The following RANBP17 variants were observed in gnomAD, a reference collection of about 807,000 sequenced individuals.
The protein encoded by RANBP17 is RAN binding protein 17, also known as ran-binding protein 17.
RANBP17 carries 158 observed loss-of-function variants against 141.2 expected under a neutral mutation model. That is an observed-to-expected ratio of 1.12 (90% CI 0.98 to 1.28). The LOEUF (loss-of-function observed/expected upper bound fraction) is 1.28, where lower values mean the gene tolerates loss of function less well. Ranked by LOEUF, RANBP17 falls within the 50% of genes most tolerant of loss-of-function variation. RANBP17 has a pLI of 0.00. For synonymous variants in RANBP17, 430 were observed against 450.0 expected (o/e 0.96, Z 0.56); for missense variants, 1,438 against 1,290.7 (o/e 1.11, Z -1.75).
intron 14 of RANBP17, among the ~76,000 whole-genome samples, chr5:171,075,260 G>T (rs1038540474): frequency 3.9e-5 from 6 of 152,108 alleles, no homozygotes; most frequent in African/African-American, 1.4e-4. Context: ...AAAACTCAGA[G>T]AAATTATTTT....
intron 13 of RANBP17, among the ~76,000 whole-genome samples, chr5:170,966,281 G>A (rs1027342918): frequency 3.4e-4 from 51 of 152,040 alleles, no homozygotes; most frequent in Non-Finnish European, 5.3e-4. Context: ...GAACATTGAT[G>A]CAAAAATCCT....
intron 14 of RANBP17, among the ~76,000 whole-genome samples, chr5:171,049,043 G>A (rs1332740339): frequency 6.6e-6 from 1 of 152,098 alleles, no homozygotes; most frequent in African/African-American, 2.4e-5. Context: ...TAAGTTCTTC[G>A]AGAAATCGCC....
intron 18 of RANBP17, among the ~76,000 whole-genome samples, chr5:171,190,618 T>C (rs1007547923): frequency 6.6e-6 from 1 of 152,154 alleles, no homozygotes; most frequent in African/African-American, 2.4e-5. Context: ...AAAATTAACT[T>C]GGTCGATCTA....
intron 5 of RANBP17, among the ~76,000 whole-genome samples, chr5:170,896,525 C>T (rs1424986873): frequency 9.2e-5 from 14 of 151,944 alleles, no homozygotes; most frequent in Admixed American, 8.5e-4. Flanking sequence ...CAGCAGGACT[C>T]ATAAAAAAAC....
At chr5:171,027,467 G>A (rs1289352795) in intron 14 of RANBP17, among the ~76,000 whole-genome samples, 1 of 152,014 alleles carries the variant, frequency 6.6e-6, no homozygotes, top group African/African-American at 2.4e-5. Flanking sequence ...TGTGAGATTT[G>A]CATATAGTAT....
intron 24 of RANBP17, among the ~76,000 whole-genome samples, chr5:171,260,457 C>T (rs1164447176): frequency 2.2e-5 from 3 of 139,334 alleles, no homozygotes; most frequent in South Asian, 4.6e-4. Flanking sequence ...AGCAAGACTC[C>T]GTCTCAAAAA....
intron 22 of RANBP17, among the ~76,000 whole-genome samples, chr5:171,234,899 C>T (rs542086223): frequency 3.3e-5 from 5 of 152,232 alleles, no homozygotes; most frequent in East Asian, 3.9e-4. Context: ...ATATTTAAAG[C>T]GCAGAACTAG....
chr5:171,143,095 A>T (rs1365975623), intron 14 of RANBP17, among the ~76,000 whole-genome samples: 1 of 152,256 alleles, frequency 6.6e-6, no homozygotes, highest in Non-Finnish European at 1.5e-5. Context: ...TGGGATAAAC[A>T]GCTCCATGAT....
chr5:170,868,148 A>G (rs994591549), intron 1 of RANBP17, among the ~76,000 whole-genome samples: 23 of 152,250 alleles, frequency 1.5e-4, no homozygotes, highest in African/African-American at 4.8e-4. Context: ...TACAAAGGCC[A>G]GAAATAAGTC....
chr5:171,057,701 T>A (rs1326171214), intron 14 of RANBP17, among the ~76,000 whole-genome samples: 1 of 152,108 alleles, frequency 6.6e-6, no homozygotes, highest in Non-Finnish European at 1.5e-5. Context: ...TGGGGAGGCC[T>A]CAGGAAACTT....
chr5:171,091,752 T>C (rs1232838679), intron 14 of RANBP17, among the ~76,000 whole-genome samples: 20 of 152,198 alleles, frequency 1.3e-4, no homozygotes, highest in Admixed American at 1.3e-3. Context: ...AAGGGGAGTT[T>C]CCTTACACAA....
At chr5:171,193,415 C>G (rs192367798) in intron 18 of RANBP17, among the ~76,000 whole-genome samples, 129 of 151,738 alleles carry the variant, frequency 8.5e-4, no homozygotes, top group Non-Finnish European at 4.1e-4. Context: ...GCCATGTGCC[C>G]CAGGTTGTAT....
At chr5:170,962,163 A>C (rs1356386667) in intron 13 of RANBP17, among the ~76,000 whole-genome samples, 1 of 152,206 alleles carries the variant, frequency 6.6e-6, no homozygotes, top group African/African-American at 2.4e-5. Flanking sequence ...CTTGAGAGAG[A>C]AATAAACATC....
At chr5:170,977,018 G>C (rs1241622556) in intron 14 of RANBP17, among the ~76,000 whole-genome samples, 1 of 152,062 alleles carries the variant, frequency 6.6e-6, no homozygotes, top group African/African-American at 2.4e-5. Context: ...AAAAACTTTT[G>C]TACTTCAGAG....
intron 14 of RANBP17, among the ~76,000 whole-genome samples, chr5:171,086,381 G>T (rs938399896): frequency 2.6e-5 from 4 of 151,876 alleles, no homozygotes; most frequent in African/African-American, 9.7e-5. Flanking sequence ...TTTTATTGAG[G>T]ATTTTTGTAT....
intron 14 of RANBP17, among the ~76,000 whole-genome samples, chr5:171,037,347 A>G (rs1781948401): frequency 6.6e-6 from 1 of 151,668 alleles, no homozygotes; most frequent in African/African-American, 2.4e-5. Context: ...TGGATATTAG[A>G]CTTCTGTTGT....
chr5:171,137,889 G>A (rs1054005797), intron 14 of RANBP17, among the ~76,000 whole-genome samples: 1 of 150,704 alleles, frequency 6.6e-6, no homozygotes, highest in East Asian at 1.9e-4. Context: ...CAAATACTGA[G>A]TCACTGTGTA....
intron 25 of RANBP17, among the ~76,000 whole-genome samples, chr5:171,285,602 C>T (rs1228988621): frequency 6.6e-6 from 1 of 152,234 alleles, no homozygotes; most frequent in Non-Finnish European, 1.5e-5. Context: ...CTGCAGCCTT[C>T]CAATGCCCCA....
intron 3 of RANBP17, among the ~76,000 whole-genome samples, chr5:170,882,376 G>A (rs1442155773): frequency 1.3e-5 from 2 of 151,834 alleles, no homozygotes; most frequent in Non-Finnish European, 2.9e-5. Flanking sequence ...CATCATGCCC[G>A]GCCAAAAAAG....
Sources: gnomAD v4.1 joint callset for allele counts (sites outside exome capture counted in the v4.1 genomes callset) on GRCh38, gnomAD v4.1.1 for gene constraint, MANE v1.5 for transcripts, NCBI Gene and HGNC (gene_info 2026-07-23, HGNC 2026-07-21) for gene names.